ADGRB1: variants seen among roughly 807,000 people sequenced by gnomAD.
ADGRB1 encodes adhesion G protein-coupled receptor B1.
In ADGRB1, 36 loss-of-function variants were observed where a neutral mutation model predicts 175.7. The observed-to-expected ratio is 0.20, with a 90% CI of 0.16 to 0.27. The LOEUF (loss-of-function observed/expected upper bound fraction) is 0.27. Among genes scored for constraint, ADGRB1 ranks in the 10% least tolerant of loss-of-function variants. The pLI, the probability that ADGRB1 is intolerant of heterozygous loss-of-function variation, is 1.00. For missense variants in ADGRB1, 1,731 were observed against 2,255.3 expected (o/e 0.77, Z 4.71); for synonymous variants, 1,054 against 979.4 (o/e 1.08, Z -1.42).
Position 142,490,643 on chromosome 8 carries a change from G to A in ADGRB1, c.2632-129G>A, listed in dbSNP as rs144901020. 8,653 of 1,079,446 alleles carry A rather than the reference G, an allele frequency of 8.0e-3. 51 individuals are homozygous for A. Among genetic ancestry groups the A allele is most frequent in the African/African-American group, 0.025 (1,603 of 63,146 alleles). The allele number at this position is 1,079,446 out of a possible 1,614,324, so 66.9% of individuals were successfully genotyped here. On this transcript the variant is annotated intron_variant, in intron 16 of 30. Transcript: ENST00000517894. ...GGACTCAGTTTCCTCCTCGCAAAAC[G>A]CAGTCTGTTCAGGGACCCGCACAGG...
chr8:142,499,699 G>A (rs957711641), intron 17 of ADGRB1, among the ~76,000 whole-genome samples: 5 of 152,226 alleles, frequency 3.3e-5, no homozygotes, highest in Non-Finnish European at 5.9e-5. Flanking sequence ...CCTTGCCTGC[G>A]TCCCCATGCC....
In ADGRB1 at chr8:142,510,843, C is replaced by T. The variant is rs1391945888; in HGVS notation, c.2676-89C>T. The T allele has an allele frequency of 1.4e-6, 1 of 702,096 alleles. No individual in the cohort carries two copies. Among genetic ancestry groups the T allele is most frequent in the Non-Finnish European group, 1.7e-6 (1 of 573,722 alleles). The allele number at this position is 702,096 out of a possible 1,614,324, so 43.5% of individuals were successfully genotyped here. On this transcript the variant is annotated intron_variant, in intron 17 of 30. Transcript: ENST00000517894. The surrounding 1 kb of genome is among the most constrained non-coding windows in gnomAD (Gnocchi z 6.3). ...GCGGGCCGGGGCCGGGGCCGGGGCG[C>T]GGAGCCGCCGCTCGGGGGCCGGGGC...
intron 18 of ADGRB1, among the ~76,000 whole-genome samples, chr8:142,517,729 G>A (rs1318420783): frequency 5.3e-5 from 8 of 152,132 alleles, no homozygotes; most frequent in Admixed American, 6.5e-5. Context: ...TGCTGCCCCC[G>A]GATTTCTCGA....
At chr8:142,479,887 C>G in intron 9 of ADGRB1, 93 bp downstream of exon 9, 2 of 1,356,892 alleles carry the variant, frequency 1.5e-6, no homozygotes, top group Non-Finnish European at 2.0e-6. Flanking sequence ...GGGAGGCGGC[C>G]CAGACACGGA....
At chr8:142,453,104 C>G (rs1332937415) in intron 1 of ADGRB1, among the ~76,000 whole-genome samples, 1 of 147,706 alleles carries the variant, frequency 6.8e-6, no homozygotes, top group African/African-American at 2.5e-5. Context: ...CCTCGCGTCT[C>G]GGCCGGAGCC....
rs2131826369 is a variant in ADGRB1, at chr8:142,481,624, G to T, written c.2043G>T (p.Gly681=). 6.2e-7 allele frequency: 1 copy of T among 1,606,496 alleles called. No homozygotes were observed. Among genetic ancestry groups the T allele is most frequent in the South Asian group, 1.1e-5 (1 of 89,296 alleles). ...EISQDGTSYS[G]DLLSTIDVLR... is the part of the protein sequence containing the mutation. ...CTCAGGACGGGACCAGCTACAGTGG[G>T]GACCTGCTGTCCACCATCGATGTCC... The change falls in exon 11 of 31, where the codon GGG becomes GGT. Residue 681 remains glycine (G), a synonymous_variant. Transcript: ENST00000517894.
intron 18 of ADGRB1, among the ~76,000 whole-genome samples, chr8:142,516,798 A>G (rs1351760981): frequency 6.6e-6 from 1 of 152,098 alleles, no homozygotes; most frequent in Admixed American, 6.5e-5. Context: ...CCCGAGGACA[A>G]GTCAGGCATG....
intron 2 of ADGRB1, among the ~76,000 whole-genome samples, chr8:142,465,700 A>G (rs562912707): frequency 1.3e-5 from 2 of 152,240 alleles, no homozygotes; most frequent in South Asian, 4.1e-4. Context: ...GCCTTGCACT[A>G]GAACCGGGCA....
chr8:142,499,768 A>AG (rs1842400705), intron 17 of ADGRB1, among the ~76,000 whole-genome samples: 1 of 152,174 alleles, frequency 6.6e-6, no homozygotes, highest in African/African-American at 2.4e-5. Flanking sequence ...GAGATGGAAT[A>AG]GCTGGGGGTA....
chr8:142,512,584 G>A (rs4977033), intron 18 of ADGRB1, among the ~76,000 whole-genome samples: 84,377 of 152,042 alleles, frequency 0.55, 26,126 homozygotes, highest in East Asian at 0.76. Context: ...TTGGAGTCTG[G>A]AAACACAGGC....
At chr8:142,515,439 G>A (rs1843362893) in intron 18 of ADGRB1, among the ~76,000 whole-genome samples, 1 of 152,060 alleles carries the variant, frequency 6.6e-6, no homozygotes, top group African/African-American at 2.4e-5. Flanking sequence ...GAGGGATCAG[G>A]TGGACCAGTG....
intron 13 of ADGRB1, among the ~76,000 whole-genome samples, chr8:142,488,088 G>A (rs1374794474): frequency 6.6e-6 from 1 of 152,152 alleles, no homozygotes; most frequent in Non-Finnish European, 1.5e-5. Context: ...GGGAGGGGCA[G>A]GCTCCCTGCC....
intron 17 of ADGRB1, among the ~76,000 whole-genome samples, chr8:142,491,588 C>T (rs1008236432): frequency 1.1e-4 from 17 of 152,194 alleles, no homozygotes; most frequent in Non-Finnish European, 2.4e-4. Flanking sequence ...GGCCGGGTCC[C>T]AACATGCGGC....
chr8:142,489,307 C>T (rs1231893171), intron 15 of ADGRB1, 29 bp from the exon 16 acceptor site: 1 of 1,610,488 alleles, frequency 6.2e-7, no homozygotes, highest in Admixed American at 1.7e-5. Context: ...GGAGGGCTCC[C>T]CCGACACCTG....
intron 23 of ADGRB1, 23 bp from the exon 24 acceptor site, chr8:142,526,519 C>CCCCCCCCCCCTCTG: frequency 1.3e-6 from 2 of 1,522,730 alleles, no homozygotes; most frequent in Non-Finnish European, 9.0e-7. Flanking sequence ...ACCCCCACAC[C>CCCCCCCCCCCTCTG]CCCACCACTC....
rs751928873 is a variant in ADGRB1 at position 142,542,135 on chromosome 8, G to T, written c.3901G>T (p.Asp1301Tyr). 21 of 1,613,212 alleles carry T rather than the reference G, an allele frequency of 1.3e-5. 2 individuals carry two copies. The South Asian group carries it at 2.1e-4, about 16-fold the overall frequency. Reference sequence around the variant, plus strand: ...CCGCTATCCCGGCGGGCCCCTGCCCGACTTCCCCAACCACTCACTGACCCT... The same window carrying T: ...CCGCTATCCCGGCGGGCCCCTGCCCTACTTCCCCAACCACTCACTGACCCT... The part of the protein sequence containing the change: ...SPRYPGGPLP[D>Y]FPNHSLTLKR... The change falls in exon 28 of 31, where the codon GAC becomes TAC. Residue 1301 changes from aspartate (D) to tyrosine (Y), a missense_variant. Asp to Tyr is a radical substitution (Grantham distance 160). Around this residue, in one of 8 missense-constraint regions of ADGRB1, gnomAD observed 394 missense variants for 410.2 expected, o/e 0.96. Transcript: ENST00000517894. This position sits in a 1 kb window ranked among gnomAD's most constrained non-coding sequence, Gnocchi z 6.3.
chr8:142,523,965 C>G (rs1247900904), intron 22 of ADGRB1, among the ~76,000 whole-genome samples: 1 of 152,134 alleles, frequency 6.6e-6, no homozygotes, highest in South Asian at 2.1e-4. Context: ...CCCTGCCAGC[C>G]TGGTGCCCCT....
intron 9 of ADGRB1, 71 bp downstream of exon 9, chr8:142,479,865 G>T (rs1370936493): frequency 1.4e-6 from 2 of 1,471,754 alleles, no homozygotes; most frequent in Admixed American, 3.7e-5. Flanking sequence ...ACGCTGAGGT[G>T]CTGTCAGCAC....
chr8:142,522,152 C>T, intron 21 of ADGRB1, 37 bp downstream of exon 21: 5 of 1,590,946 alleles, frequency 3.1e-6, no homozygotes, highest in South Asian at 1.1e-5. Context: ...TGGACAGATA[C>T]CCTTCCTCCC....
Sources: gnomAD v4.1 joint callset for allele counts (sites outside exome capture counted in the v4.1 genomes callset) on GRCh38, gnomAD v4.1.1 for gene constraint, gnomAD v4.1.1 regional missense constraint, Gnocchi (gnomAD v3.1) non-coding constraint, MANE v1.5 for transcripts, NCBI Gene and HGNC (gene_info 2026-07-23, HGNC 2026-07-21) for gene names.